C11orf65: variants seen among roughly 807,000 people sequenced by gnomAD.
The protein encoded by C11orf65 is protein MFI.
In C11orf65, 38 loss-of-function variants were observed where a neutral mutation model predicts 35.3. The ratio of observed to expected loss-of-function variants is 1.08; its 90% CI spans 0.83 to 1.41. The LOEUF is 1.41. C11orf65 is among the 40% of genes most tolerant of loss of function. The pLI is 0.00. For missense variants in C11orf65, 370 were observed against 367.1 expected (o/e 1.01, Z -0.06); for synonymous variants, 105 against 114.4 (o/e 0.92, Z 0.53).
intron 2 of C11orf65, among the ~76,000 whole-genome samples, chr11:108,437,437 G>C (rs1591552442): frequency 1.3e-5 from 2 of 152,104 alleles, no homozygotes; most frequent in African/African-American, 4.8e-5. Context: ...TGGGTGCAGT[G>C]GCTCACGCCT....
chr11:108,416,411 G>C (rs2138818562), intron 3 of C11orf65, among the ~76,000 whole-genome samples: 1 of 152,292 alleles, frequency 6.6e-6, no homozygotes, highest in East Asian at 1.9e-4. Context: ...CCCGGGCATG[G>C]TGGCTCAAGC....
intron 6 of C11orf65, chr11:108,325,613 C>A: frequency 7.6e-7 from 1 of 1,312,794 alleles, no homozygotes; most frequent in Non-Finnish European, 1.1e-6. Context: ...AAACAGAAAG[C>A]CTGAGGGAAA....
At chr11:108,427,412 T>C (rs1344523622) in intron 3 of C11orf65, among the ~76,000 whole-genome samples, 3 of 144,048 alleles carry the variant, frequency 2.1e-5, no homozygotes, top group Non-Finnish European at 4.5e-5. Flanking sequence ...GACAATTATG[T>C]GGTCAACAAA....
chr11:108,342,078 G>T (rs2087648688), intron 2 of C11orf65, among the ~76,000 whole-genome samples: 1 of 151,954 alleles, frequency 6.6e-6, no homozygotes, highest in African/African-American at 2.4e-5. Context: ...TTAACATTAT[G>T]AGATTTTTTT....
At chr11:108,314,735 G>A (rs984673230) in intron 6 of C11orf65, among the ~76,000 whole-genome samples, 3 of 152,054 alleles carry the variant, frequency 2.0e-5, no homozygotes, top group Admixed American at 1.3e-4. Context: ...AAGCCCTACC[G>A]ATGATATAAA....
At chr11:108,454,479 G>A (rs1369174252) in intron 2 of C11orf65, among the ~76,000 whole-genome samples, 3 of 151,926 alleles carry the variant, frequency 2.0e-5, no homozygotes, top group Non-Finnish European at 4.4e-5. Flanking sequence ...TGTATTTTTA[G>A]TAGAGACGAG....
chr11:108,332,633 T>G, intron 3 of C11orf65: 1 of 1,012,972 alleles, frequency 9.9e-7, no homozygotes, highest in Non-Finnish European at 1.5e-6. Context: ...TGTTTGTATC[T>G]GAGGAATTAT....
chr11:108,345,896 AC>A, intron 2 of C11orf65: 1 of 1,613,662 alleles, frequency 6.2e-7, no homozygotes, highest in Non-Finnish European at 8.5e-7. Flanking sequence ...CAGTGTAGCT[AC>A]TTCTTCTATT....
chr11:108,309,718 C>T (rs563387286), intron 6 of C11orf65, among the ~76,000 whole-genome samples: 19 of 152,216 alleles, frequency 1.2e-4, no homozygotes, highest in African/African-American at 4.3e-4. Context: ...GAAAATAAGT[C>T]ACAATAGGAA....
chr11:108,357,202 G>A (rs982045975), intron 2 of C11orf65, among the ~76,000 whole-genome samples: 14 of 152,306 alleles, frequency 9.2e-5, no homozygotes, highest in Admixed American at 8.5e-4. Flanking sequence ...CTGGAAAATC[G>A]GGTCACTCCC....
At chr11:108,440,609 C>A (rs2093136625) in intron 2 of C11orf65, among the ~76,000 whole-genome samples, 1 of 152,168 alleles carries the variant, frequency 6.6e-6, no homozygotes, top group Non-Finnish European at 1.5e-5. Context: ...CTGGAGGCAA[C>A]CTCTCCATGA....
At chr11:108,397,974 G>T (rs763338928) in intron 6 of C11orf65, among the ~76,000 whole-genome samples, 7 of 152,144 alleles carry the variant, frequency 4.6e-5, no homozygotes, top group Non-Finnish European at 1.0e-4. Flanking sequence ...ACATCAAAAG[G>T]AAGTACCTAA....
chr11:108,321,694 A>G (rs1043278547), intron 6 of C11orf65, among the ~76,000 whole-genome samples: 1 of 151,938 alleles, frequency 6.6e-6, no homozygotes, highest in Non-Finnish European at 1.5e-5. Flanking sequence ...GAGGCAGGAA[A>G]ATTGCTTGAA....
At chr11:108,377,439 G>A (rs1480429102) in intron 2 of C11orf65, among the ~76,000 whole-genome samples, 1 of 152,096 alleles carries the variant, frequency 6.6e-6, no homozygotes, top group Non-Finnish European at 1.5e-5. Flanking sequence ...AACCCTTCAT[G>A]CTAAAAACTC....
At chr11:108,423,245 C>T (rs1159824493) in intron 3 of C11orf65, among the ~76,000 whole-genome samples, 1 of 152,118 alleles carries the variant, frequency 6.6e-6, no homozygotes, top group East Asian at 1.9e-4. Flanking sequence ...CATTCACTCC[C>T]CTAGAAAGGG....
chr11:108,378,304 C>A, downstream of C11orf65, among the ~76,000 whole-genome samples: 1 of 145,528 alleles, frequency 6.9e-6, no homozygotes, highest in Admixed American at 6.9e-5. Context: ...TGGAACAGAA[C>A]AGAGCCCTCA....
chr11:108,429,154 G>T (rs926440621), intron 3 of C11orf65, among the ~76,000 whole-genome samples: 1 of 151,314 alleles, frequency 6.6e-6, no homozygotes, highest in Admixed American at 6.6e-5. Context: ...CTCAAAAAAA[G>T]AAAAAGAAAA....
chr11:108,409,608 G>C (rs1231910347), intron 3 of C11orf65, among the ~76,000 whole-genome samples: 2 of 152,126 alleles, frequency 1.3e-5, no homozygotes, highest in African/African-American at 4.8e-5. Context: ...ACATGATCAT[G>C]AGGGTAAACA....
downstream of C11orf65, chr11:108,330,529 C>T (rs904743657): frequency 1.9e-6 from 2 of 1,066,664 alleles, no homozygotes; most frequent in Non-Finnish European, 2.9e-6. Flanking sequence ...GCACTTGGTC[C>T]AGTGCTCTAC....
Sources: allele counts gnomAD v4.1 joint callset (sites outside exome capture counted in the v4.1 genomes callset), GRCh38; gene constraint gnomAD v4.1.1; transcripts MANE v1.5; gene names NCBI Gene and HGNC (gene_info 2026-07-23, HGNC 2026-07-21).